METTL15: variants seen among roughly 807,000 people sequenced by gnomAD.
The protein encoded by METTL15 is 12S rRNA N(4)-cytidine methyltransferase METTL15.
In METTL15, 34 loss-of-function variants were observed where a neutral mutation model predicts 38.3. That is an observed-to-expected ratio of 0.89 (90% CI 0.68 to 1.18). METTL15 has a LOEUF of 1.18. METTL15 is among the 50% of genes most tolerant of loss of function. METTL15 has a pLI of 0.00. For synonymous variants in METTL15, 162 were observed against 170.9 expected (o/e 0.95, Z 0.41); for missense variants, 438 against 498.4 (o/e 0.88, Z 1.15).
chr11:28,114,313 G>A (rs1037681040), intron 3 of METTL15, among the ~76,000 whole-genome samples: 7 of 152,018 alleles, frequency 4.6e-5, no homozygotes, highest in African/African-American at 1.7e-4. Context: ...TCTGTACTTG[G>A]TTCTTTTTTA....
chr11:28,355,752 C>A (rs1296958496), intron 4 of METTL15, among the ~76,000 whole-genome samples: 12 of 151,922 alleles, frequency 7.9e-5, no homozygotes, highest in Admixed American at 7.9e-4. Context: ...TTGGTATTTG[C>A]CAGGGGAGGG....
chr11:28,471,778 G>A (rs1405435116), intron 6 of METTL15, among the ~76,000 whole-genome samples: 1 of 151,792 alleles, frequency 6.6e-6, no homozygotes, highest in Non-Finnish European at 1.5e-5. Context: ...TTTCCAGCTG[G>A]TAGATTATAA....
intron 3 of METTL15, among the ~76,000 whole-genome samples, chr11:28,184,597 T>C (rs150559320): frequency 6.6e-6 from 1 of 151,916 alleles, no homozygotes; most frequent in Non-Finnish European, 1.5e-5. Context: ...TTCTGAAGGA[T>C]AACACGTTTA....
chr11:28,305,817 T>C (rs1320979325), intron 6 of METTL15, among the ~76,000 whole-genome samples: 1 of 152,112 alleles, frequency 6.6e-6, no homozygotes, highest in Non-Finnish European at 1.5e-5. Flanking sequence ...GTAGAAGTTA[T>C]AGACAAGGAG....
intron 3 of METTL15, among the ~76,000 whole-genome samples, chr11:28,192,981 A>G (rs1235049512): frequency 6.6e-6 from 1 of 152,032 alleles, no homozygotes; most frequent in Non-Finnish European, 1.5e-5. Flanking sequence ...TATCTGTACA[A>G]TCTTAGTACT....
At chr11:28,155,953 A>C (rs1374669226) in intron 3 of METTL15, among the ~76,000 whole-genome samples, 1 of 152,200 alleles carries the variant, frequency 6.6e-6, no homozygotes, top group Non-Finnish European at 1.5e-5. Context: ...GAGTAAGTAT[A>C]GTAATTAATA....
chr11:28,353,007 A>C (rs971476013), intron 4 of METTL15, among the ~76,000 whole-genome samples: 1 of 152,232 alleles, frequency 6.6e-6, no homozygotes, highest in African/African-American at 2.4e-5. Context: ...GTAGGGAAAC[A>C]GAGAGGCTTT....
intron 5 of METTL15, among the ~76,000 whole-genome samples, chr11:28,396,443 A>G (rs1415165286): frequency 1.3e-5 from 2 of 152,188 alleles, no homozygotes; most frequent in Admixed American, 1.3e-4. Flanking sequence ...ATTCTTATAT[A>G]CCAATAACAG....
At chr11:28,277,651 C>T (rs1345479142) in intron 4 of METTL15, among the ~76,000 whole-genome samples, 1 of 151,906 alleles carries the variant, frequency 6.6e-6, no homozygotes, top group African/African-American at 2.4e-5. Context: ...TGAGCCACCA[C>T]TGCACTCCAG....
At chr11:28,404,272 G>A (rs1456949599) in intron 5 of METTL15, among the ~76,000 whole-genome samples, 1 of 151,980 alleles carries the variant, frequency 6.6e-6, no homozygotes, top group Admixed American at 6.6e-5. Context: ...ACTTCATTCT[G>A]TCTACCATAA....
intron 6 of METTL15, among the ~76,000 whole-genome samples, chr11:28,444,226 G>C (rs979931948): frequency 4.6e-5 from 7 of 152,090 alleles, no homozygotes; most frequent in Non-Finnish European, 8.8e-5. Flanking sequence ...GGAATTGCTT[G>C]GTTAAAGGGT....
chr11:28,470,692 T>C (rs1216177419), intron 6 of METTL15, among the ~76,000 whole-genome samples: 1 of 152,140 alleles, frequency 6.6e-6, no homozygotes, highest in East Asian at 1.9e-4. Context: ...TTTTGGAAAC[T>C]GAAGTGGTAT....
intron 5 of METTL15, among the ~76,000 whole-genome samples, chr11:28,376,712 C>T (rs1407500931): frequency 6.6e-6 from 1 of 150,536 alleles, no homozygotes; most frequent in East Asian, 2.0e-4. Flanking sequence ...ATGATGTTAG[C>T]TGGTTATTTT....
chr11:28,338,263 C>A (rs1849919592), downstream of METTL15, among the ~76,000 whole-genome samples: 1 of 151,556 alleles, frequency 6.6e-6, no homozygotes, highest in African/African-American at 2.4e-5. Context: ...TGTTTTCTTT[C>A]ATAATTTGAT....
intron 5 of METTL15, among the ~76,000 whole-genome samples, chr11:28,380,545 T>C (rs1301294556): frequency 6.6e-6 from 1 of 152,188 alleles, no homozygotes; most frequent in African/African-American, 2.4e-5. Context: ...AACTCATATC[T>C]TCTTTTCTTT....
At chr11:28,372,584 G>A (rs1182872004) in intron 5 of METTL15, among the ~76,000 whole-genome samples, 1 of 150,608 alleles carries the variant, frequency 6.6e-6, no homozygotes, top group Non-Finnish European at 1.5e-5. Context: ...TAATGTTTCA[G>A]CATTCCTCAG....
chr11:28,511,501 A>C (rs1352527714), intron 6 of METTL15, among the ~76,000 whole-genome samples: 2 of 152,136 alleles, frequency 1.3e-5, no homozygotes, highest in South Asian at 4.1e-4. Flanking sequence ...ACAGTTCTTA[A>C]AGGTGGCGTG....
At chr11:28,227,122 G>T (rs996100497) in intron 4 of METTL15, among the ~76,000 whole-genome samples, 2 of 151,740 alleles carry the variant, frequency 1.3e-5, no homozygotes, top group Non-Finnish European at 3.0e-5. Flanking sequence ...GGTAAAACTT[G>T]ACTCTAGTCT....
At chr11:28,366,683 G>A (rs1448212067) in intron 5 of METTL15, among the ~76,000 whole-genome samples, 2 of 152,142 alleles carry the variant, frequency 1.3e-5, no homozygotes, top group African/African-American at 4.8e-5. Flanking sequence ...AGAAAATTCT[G>A]TATCATTTGA....
Sources: allele counts gnomAD v4.1 joint callset (sites outside exome capture counted in the v4.1 genomes callset), GRCh38; gene constraint gnomAD v4.1.1; transcripts MANE v1.5; gene names NCBI Gene and HGNC (gene_info 2026-07-23, HGNC 2026-07-21).